KIF24: variants seen among roughly 807,000 people sequenced by gnomAD.
KIF24 encodes kinesin-like protein KIF24.
KIF24 carries 81 observed loss-of-function variants against 118.9 expected under a neutral mutation model. The ratio of observed to expected loss-of-function variants is 0.68; its 90% CI spans 0.57 to 0.82. The LOEUF (loss-of-function observed/expected upper bound fraction) is 0.82. Among genes scored for constraint, KIF24 ranks in the 40% least tolerant of loss-of-function variants. The probability of loss-of-function intolerance (pLI) is 0.00; values close to 1 mark genes in which losing one functional copy is unlikely to be tolerated. For synonymous variants in KIF24, 599 were observed against 610.0 expected, an observed-to-expected ratio of 0.98 and a Z score of 0.27; for missense variants, 1,560 against 1,661.6, an observed-to-expected ratio of 0.94 and a Z score of 1.06.
At chr9:34,266,908 C>CA (rs1024682269) in intron 8 of KIF24, among the ~76,000 whole-genome samples, 2 of 150,806 alleles carry the variant, frequency 1.3e-5, no homozygotes, top group Admixed American at 1.3e-4. Flanking sequence ...ATTTAAGCAG[C>CA]AAAAAAAGAT....
At chr9:34,315,901 C>T (rs572998552) in intron 1 of KIF24, among the ~76,000 whole-genome samples, 1 of 151,956 alleles carries the variant, frequency 6.6e-6, no homozygotes, top group South Asian at 2.1e-4. Context: ...TGGTGGTGTG[C>T]GCCTGTAATC....
chr9:34,300,057 C>T (rs762995340), intron 3 of KIF24, among the ~76,000 whole-genome samples: 7 of 152,046 alleles, frequency 4.6e-5, no homozygotes, highest in Admixed American at 2.0e-4. Context: ...GGTCACTCTA[C>T]CCCCAGTTTG....
In KIF24 at chr9:34,311,077, T is replaced by C. The variant is rs1277112218; in HGVS notation, c.270A>G (p.Leu90=). The stretch of plus-strand genomic sequence containing the variant: ...TCAGCTGTCTGCGAGGGCCAGATCT[T>C]AATTCCTGAGATTTGATGCGCAGGC... The part of the protein sequence containing the change: ...TSSLRIKSQE[L]RSGPRRQLNF... Residue 90 remains leucine (L), a synonymous_variant, in exon 2 of 13, where the codon TTA becomes TTG. Transcript: ENST00000402558. 1.9e-6 allele frequency: 3 copies of C among 1,613,910 alleles called. No individual in the cohort carries two copies. The highest frequency in any genetic ancestry group is 2.5e-6 in the Non-Finnish European group (3 of 1,179,812).
Position 34,256,929 on chromosome 9 carries a change from A to C in KIF24, c.2678T>G (p.Val893Gly). 1 of 1,613,926 alleles carries C rather than the reference A, an allele frequency of 6.2e-7. No homozygotes were observed. The highest frequency in any genetic ancestry group is 1.7e-5 in the Admixed American group (1 of 60,004). Residue 893 changes from valine to glycine, a missense_variant, in exon 11 of 13, where the codon GTG becomes GGG. Transcript: ENST00000402558. ...GDKKDLTKSW[V>G]DSRDPINHRR... ...GTGGTTTATGGGGTCCCTGGAGTCCACCCAGCTTTTAGTTAGATCTTTCTT... is the reference window on the plus strand; with the variant it reads ...GTGGTTTATGGGGTCCCTGGAGTCCCCCCAGCTTTTAGTTAGATCTTTCTT...
chr9:34,328,510 T>C (rs1297938322), intron 1 of KIF24, among the ~76,000 whole-genome samples: 3 of 152,172 alleles, frequency 2.0e-5, no homozygotes. Flanking sequence ...CTGTGGACTG[T>C]GTGTGGACTT....
At chr9:34,293,510 C>G (rs1344694160) in intron 4 of KIF24, among the ~76,000 whole-genome samples, 2 of 148,496 alleles carry the variant, frequency 1.3e-5, no homozygotes, top group Non-Finnish European at 3.0e-5. Flanking sequence ...CGCGGTGGCT[C>G]AGGCCTGTAA....
At chr9:34,290,059 A>G (rs1375134964) in intron 5 of KIF24, 115 bp downstream of exon 5, 3 of 639,490 alleles carry the variant, frequency 4.7e-6, no homozygotes, top group Non-Finnish European at 8.1e-6. Flanking sequence ...TCATTTCACA[A>G]AAGGGCACTA....
intron 1 of KIF24, among the ~76,000 whole-genome samples, chr9:34,324,495 G>C (rs1049033391): frequency 6.6e-6 from 1 of 152,078 alleles, no homozygotes; most frequent in African/African-American, 2.4e-5. Context: ...CCACTGCTCT[G>C]GTGATTCAGC....
chr9:34,290,053 T>C (rs1836192358), intron 5 of KIF24, 121 bp downstream of exon 5: 4 of 616,614 alleles, frequency 6.5e-6, no homozygotes, highest in Non-Finnish European at 5.7e-6. Flanking sequence ...GGAGCCTCAT[T>C]TCACAAAAGG....
chr9:34,332,738 A>G (rs534947120), upstream of KIF24, among the ~76,000 whole-genome samples: 2 of 152,354 alleles, frequency 1.3e-5, 1 homozygote, highest in African/African-American at 4.8e-5. Flanking sequence ...TCGTCTCTGC[A>G]AGAATGGAGT....
At chr9:34,272,183 CATA>C (rs1835532306) in intron 6 of KIF24, among the ~76,000 whole-genome samples, 1 of 152,208 alleles carries the variant, frequency 6.6e-6, no homozygotes, top group Admixed American at 6.5e-5. Flanking sequence ...TTCTTGATCT[CATA>C]TACTTTTTTT....
chr9:34,312,524 C>T (rs1837203327), intron 1 of KIF24, among the ~76,000 whole-genome samples: 1 of 152,080 alleles, frequency 6.6e-6, no homozygotes, highest in Non-Finnish European at 1.5e-5. Context: ...TTCCTGTTTT[C>T]GTTTTAATTT....
intron 1 of KIF24, among the ~76,000 whole-genome samples, chr9:34,327,317 T>C (rs1272834967): frequency 6.6e-6 from 1 of 152,036 alleles, no homozygotes; most frequent in Non-Finnish European, 1.5e-5. Context: ...GGAAGGGATC[T>C]AGAAGAGTTC....
intron 1 of KIF24, among the ~76,000 whole-genome samples, chr9:34,328,751 G>C (rs1837764311): frequency 6.6e-6 from 1 of 152,174 alleles, no homozygotes; most frequent in South Asian, 2.1e-4. Context: ...AAAGGGAAGC[G>C]AACGGGCTTC....
At position 34,254,998 on chromosome 9, in the gene KIF24, A is replaced by C. The variant is rs1834765054; in HGVS notation, c.3966+74T>G. On this transcript the variant is annotated intron_variant, in intron 12 of 12. Transcript: ENST00000402558. ...CCCTTTCCCCACACACAGCCACAGC[A>C]AACAAGGATGACCATCAAATTAGCT... 2.9e-6 allele frequency: 3 copies of C among 1,049,440 alleles called. No individual in the cohort carries two copies. In the East Asian group the frequency reaches 7.8e-5, roughly 27 times the overall value. The allele number at this position is 1,049,440 out of a possible 1,614,324, so 65.0% of individuals were successfully genotyped here.
At chr9:34,307,873 A>G (rs922604123) in intron 2 of KIF24, among the ~76,000 whole-genome samples, 31 of 151,832 alleles carry the variant, frequency 2.0e-4, no homozygotes, top group African/African-American at 3.4e-4. Context: ...AAAAAAAAAA[A>G]AAAAAAGAAA....
At chr9:34,293,019 T>C (rs1836312896) in intron 4 of KIF24, among the ~76,000 whole-genome samples, 1 of 152,184 alleles carries the variant, frequency 6.6e-6, no homozygotes, top group South Asian at 2.1e-4. Context: ...TTTAGAAACT[T>C]ACTCCTCAAA....
At chr9:34,327,443 A>G (rs1002411591) in intron 1 of KIF24, among the ~76,000 whole-genome samples, 2 of 152,208 alleles carry the variant, frequency 1.3e-5, no homozygotes, top group African/African-American at 4.8e-5. Context: ...CTGAATAACT[A>G]AAGATTTTCA....
Position 34,311,192 on chromosome 9 carries a change from T to C in KIF24, c.155A>G (p.Lys52Arg). Residue 52 changes from lysine (K) to arginine (R), a missense_variant, in exon 2 of 13, where the codon AAA becomes AGA. Physicochemically the swap from Lys to Arg is conservative, Grantham distance 26. Around this residue, in one of 3 missense-constraint regions of KIF24, gnomAD observed 964 missense variants for 988.0 expected, o/e 0.98. Transcript: ENST00000402558. Reference protein sequence around the residue: ...KLGVHDMNDRKRLFQLIKIIK... With the variant: ...KLGVHDMNDRRRLFQLIKIIK... ...AATTTTGATAAGTTGGAAGAGACGT[T>C]TGCGGTCGTTCATGTCATGGACTCC... 2 of 1,613,480 alleles carry C rather than the reference T, an allele frequency of 1.2e-6. No individual in the cohort carries two copies. Among genetic ancestry groups the C allele is most frequent in the South Asian group, 1.1e-5 (1 of 91,000 alleles).
Sources: gnomAD v4.1 joint callset for allele counts (sites outside exome capture counted in the v4.1 genomes callset) on GRCh38, gnomAD v4.1.1 for gene constraint, gnomAD v4.1.1 regional missense constraint, MANE v1.5 for transcripts, NCBI Gene and HGNC (gene_info 2026-07-23, HGNC 2026-07-21) for gene names.